ANKRD44: variants seen among roughly 807,000 people sequenced by gnomAD.
The protein encoded by ANKRD44 is serine/threonine-protein phosphatase 6 regulatory ankyrin repeat subunit B.
ANKRD44 carries 35 observed loss-of-function variants against 116.0 expected under a neutral mutation model. That is an observed-to-expected ratio of 0.30 (90% CI 0.23 to 0.40). ANKRD44 has a LOEUF of 0.40. ANKRD44 is among the 10% of genes least tolerant of loss of function. The probability of loss-of-function intolerance (pLI) is 1.00; values close to 1 mark genes in which losing one functional copy is unlikely to be tolerated. For synonymous variants in ANKRD44, 435 were observed against 461.8 expected, an observed-to-expected ratio of 0.94 and a Z score of 0.74; for missense variants, 1,014 against 1,242.6, an observed-to-expected ratio of 0.82 and a Z score of 2.77.
intron 1 of ANKRD44, among the ~76,000 whole-genome samples, chr2:197,252,476 G>A (rs892018403): frequency 8.6e-5 from 13 of 151,876 alleles, no homozygotes; most frequent in Admixed American, 7.2e-4. Flanking sequence ...GCGCGATCTC[G>A]GCTCACTGCA....
intron 1 of ANKRD44, among the ~76,000 whole-genome samples, chr2:197,190,262 G>A (rs1450872613): frequency 6.6e-6 from 1 of 152,110 alleles, no homozygotes; most frequent in Admixed American, 6.6e-5. Context: ...TCTACTTCCC[G>A]TGGAATAAAA....
At chr2:197,145,310 A>AATAT (rs1484927769) in intron 3 of ANKRD44, among the ~76,000 whole-genome samples, 1 of 151,626 alleles carries the variant, frequency 6.6e-6, no homozygotes, top group Non-Finnish European at 1.5e-5. Flanking sequence ...TAAATAAATA[A>AATAT]ATAAAATAAA....
chr2:197,100,497 T>C (rs2078267555), intron 9 of ANKRD44, among the ~76,000 whole-genome samples: 1 of 152,224 alleles, frequency 6.6e-6, no homozygotes, highest in Admixed American at 6.5e-5. Context: ...CATATTGTCT[T>C]AGTTAAGAAT....
intron 1 of ANKRD44, among the ~76,000 whole-genome samples, chr2:197,187,644 T>TTC (rs55952976): frequency 0.058 from 7,767 of 134,596 alleles, 222 homozygotes; most frequent in East Asian, 0.13. Flanking sequence ...CACGTTCTCA[T>TTC]TCTCTCTCTC....
chr2:197,168,675 G>A (rs930551961), intron 2 of ANKRD44, among the ~76,000 whole-genome samples: 1 of 152,080 alleles, frequency 6.6e-6, no homozygotes, highest in African/African-American at 2.4e-5. Context: ...GGGAACTCAG[G>A]ACTCATTTTT....
At chr2:196,994,543 C>T (rs112922303) in intron 26 of ANKRD44, 4,631 of 150,526 alleles carry the variant, frequency 0.031, 116 homozygotes, top group Non-Finnish European at 0.044. Context: ...GACAGTCTCG[C>T]TCTTGTTGCC....
At chr2:197,297,433 T>C (rs1265450832) in intron 1 of ANKRD44, among the ~76,000 whole-genome samples, 1 of 152,230 alleles carries the variant, frequency 6.6e-6, no homozygotes, top group Non-Finnish European at 1.5e-5. Flanking sequence ...GTCTCTTTAA[T>C]GTGACAAATG....
At position 197,092,331 on chromosome 2, in the gene ANKRD44, C is replaced by T. The variant is rs149877309; in HGVS notation, c.1101-2299G>A. Among the ~76,000 whole-genome samples the T allele has an allele frequency of 2.0e-4, 30 of 152,310 alleles. 1 individual carries two copies. Among genetic ancestry groups the T allele is most frequent in the African/African-American group, 6.0e-4 (25 of 41,564 alleles). The stretch of plus-strand genomic sequence containing the variant: ...AAGTGGCCCGTTTTCAGACTCCATG[C>T]TTCATAAAGAAACACATATGATTTG... On this transcript the variant is annotated intron_variant, in intron 10 of 27. Transcript: ENST00000282272.
At chr2:197,269,291 T>C (rs1051084398) in intron 1 of ANKRD44, among the ~76,000 whole-genome samples, 9 of 148,034 alleles carry the variant, frequency 6.1e-5, no homozygotes. Context: ...AATATGGAGA[T>C]AGGAGCAGTA....
intron 1 of ANKRD44, among the ~76,000 whole-genome samples, chr2:197,207,210 G>A (rs1163489481): frequency 6.6e-6 from 1 of 152,168 alleles, no homozygotes; most frequent in Non-Finnish European, 1.5e-5. Flanking sequence ...TGGCATGGAG[G>A]GAAGGGGGCA....
intron 1 of ANKRD44, among the ~76,000 whole-genome samples, chr2:197,249,445 C>T (rs1429646175): frequency 6.6e-6 from 1 of 152,116 alleles, no homozygotes; most frequent in East Asian, 1.9e-4. Context: ...AATGTGGTGG[C>T]CACCAACATA....
At position 197,188,423 on chromosome 2, in the gene ANKRD44, C is replaced by G. The variant is rs114497801; in HGVS notation, c.28-1317G>C. ...GCAAAGAACCTGATATGTTACTGAC[C>G]AGAGTGTGGGGTAAAAGAGGAACAG... is the stretch of plus-strand genomic sequence containing the variant. On this transcript the variant is annotated intron_variant, in intron 1 of 27. Transcript: ENST00000282272. 3.1e-3 allele frequency among the ~76,000 whole-genome samples: 470 copies of G among 152,240 alleles called. 3 individuals carry two copies. Among genetic ancestry groups the G allele is most frequent in the African/African-American group, 0.011 (451 of 41,514 alleles).
At chr2:197,110,999 T>C (rs926958662) in intron 8 of ANKRD44, among the ~76,000 whole-genome samples, 155 bp from the exon 9 acceptor site, 6 of 152,188 alleles carry the variant, frequency 3.9e-5, no homozygotes, top group South Asian at 2.1e-4. Context: ...TGCAGTGAGC[T>C]AGGATTTTAC....
At position 197,064,613 on chromosome 2, in the gene ANKRD44, C is replaced by T. The variant is rs1488984673; in HGVS notation, c.1650+14090G>A. Among the ~76,000 whole-genome samples, 3 of 151,770 alleles carry T rather than the reference C, an allele frequency of 2.0e-5. No homozygotes were observed. The East Asian group carries it at 5.8e-4, about 29-fold the overall frequency. ...AATAAAGGGATGGAGGAAGATCTAC[C>T]AAGAAAATGGAAAACAAAAAAAAGG... On this transcript the variant is annotated intron_variant, in intron 16 of 27. Transcript: ENST00000282272.
intron 21 of ANKRD44, among the ~76,000 whole-genome samples, chr2:196,976,697 C>T (rs114549342): frequency 5.7e-4 from 87 of 152,082 alleles, no homozygotes; most frequent in Non-Finnish European, 1.1e-3. Flanking sequence ...AAAACCCTAT[C>T]GCCACAAAAA....
At chr2:197,125,803 G>GCA (rs2078961900) in intron 5 of ANKRD44, 34 bp downstream of exon 5, 1 of 1,604,336 alleles carries the variant, frequency 6.2e-7, no homozygotes, top group African/African-American at 1.3e-5. Context: ...GTCCTGGAGG[G>GCA]AGCGTTCCAA....
In ANKRD44 at chr2:197,304,543, G is replaced by A. The variant is rs113081801; in HGVS notation, c.27+6035C>T. Among the ~76,000 whole-genome samples the A allele has an allele frequency of 1.8e-4, 27 of 152,288 alleles. 1 individual carries two copies. Among genetic ancestry groups the A allele is most frequent in the African/African-American group, 6.5e-4 (27 of 41,560 alleles). On this transcript the variant is annotated intron_variant, in intron 1 of 27. Transcript: ENST00000282272. The stretch of plus-strand genomic sequence containing the variant: ...AATGCTATAACACAAACCATGTGAA[G>A]AGCATCGGTCTCCATTACAGGCACC...
chr2:197,001,680 C>T, intron 22 of ANKRD44, 73 bp downstream of exon 22: 1 of 1,213,304 alleles, frequency 8.2e-7, no homozygotes, highest in Admixed American at 2.2e-5. Context: ...ACTTTTTTCC[C>T]TACAAAGCAA....
intron 8 of ANKRD44, among the ~76,000 whole-genome samples, chr2:197,118,442 T>TA (rs2078763521): frequency 6.6e-6 from 1 of 150,800 alleles, no homozygotes; most frequent in Non-Finnish European, 1.5e-5. Flanking sequence ...ATACAAAAAT[T>TA]AGCTGGGCAT....
Sources: allele counts gnomAD v4.1 joint callset (sites outside exome capture counted in the v4.1 genomes callset), GRCh38; gene constraint gnomAD v4.1.1; transcripts MANE v1.5; gene names NCBI Gene and HGNC (gene_info 2026-07-23, HGNC 2026-07-21).